The following MIEF1 variants were observed in gnomAD, a reference collection of about 807,000 sequenced individuals.
The protein encoded by MIEF1 is mitochondrial elongation factor 1.
A neutral mutation model predicts 35.1 loss-of-function variants in MIEF1; 14 were observed. That is an observed-to-expected ratio of 0.40 (90% CI 0.26 to 0.62). The LOEUF (loss-of-function observed/expected upper bound fraction) is 0.62, where lower values mean the gene tolerates loss of function less well. Among genes scored for constraint, MIEF1 ranks in the 20% least tolerant of loss-of-function variants. The pLI is 0.43. For missense variants in MIEF1, 542 were observed against 615.4 expected (o/e 0.88, Z 1.26); for synonymous variants, 245 against 254.3 (o/e 0.96, Z 0.35).
Position 39,513,751 on chromosome 22 carries a change from A to G in MIEF1, c.820A>G (p.Ile274Val). 1.2e-6 allele frequency: 2 copies of G among 1,613,858 alleles called. No homozygotes were observed. Among genetic ancestry groups the G allele is most frequent in the Non-Finnish European group, 1.7e-6 (2 of 1,179,958 alleles). ...ATTTGAGAAGGTAGTGGCTGGCTCC[A>G]TCAATTGGCCAGCCATAGGGTCCCT... ...DTFEKVVAGS[I>V]NWPAIGSLLD... Residue 274 changes from isoleucine to valine, a missense_variant, in exon 6 of 6, where the codon ATC becomes GTC. Transcript: ENST00000325301.
At chr22:39,501,244 C>A (rs371602998), upstream of MIEF1, among the ~76,000 whole-genome samples, 2 of 152,202 alleles carry the variant, frequency 1.3e-5, no homozygotes, top group Non-Finnish European at 2.9e-5. Context: ...TCCTAGACCA[C>A]GCTGAGCTTA....
intron 1 of MIEF1, chr22:39,503,676 T>C (rs923929751): frequency 1.3e-5 from 2 of 152,184 alleles, no homozygotes; most frequent in African/African-American, 4.8e-5. Flanking sequence ...CAAAATATGA[T>C]TTTTATCCTC....
At chr22:39,505,230 C>G (rs1462635028) in intron 2 of MIEF1, among the ~76,000 whole-genome samples, 1 of 152,092 alleles carries the variant, frequency 6.6e-6, no homozygotes, top group Admixed American at 6.5e-5. Flanking sequence ...TCTCGCCCAA[C>G]CTGGAGTACA....
At chr22:39,508,097 T>G (rs1340418119) in intron 2 of MIEF1, among the ~76,000 whole-genome samples, 1 of 152,180 alleles carries the variant, frequency 6.6e-6, no homozygotes, top group Non-Finnish European at 1.5e-5. Context: ...TGCAATACAG[T>G]TTATACCGTT....
chr22:39,510,923 A>G (rs1477301682), intron 2 of MIEF1, among the ~76,000 whole-genome samples: 1 of 151,466 alleles, frequency 6.6e-6, no homozygotes, highest in Admixed American at 6.6e-5. Context: ...GCATTATAAC[A>G]TTGTGAAGGG....
chr22:39,514,509 C>A lies in MIEF1; in HGVS notation c.*186C>A. 1 of 636,160 alleles carries A rather than the reference C, an allele frequency of 1.6e-6. No homozygotes were observed. Among genetic ancestry groups the A allele is most frequent in the East Asian group, 2.8e-5 (1 of 36,130 alleles). 39.4% of individuals were successfully genotyped at this position (636,160 alleles called of 1,614,324 possible). ...CTCCTATTTTGTTACCCAACTCTTC[C>A]TATTTTTGTTACCAATCACTGTGCT... is the stretch of plus-strand genomic sequence containing the variant. On this transcript the variant is annotated 3_prime_UTR_variant, in exon 6 of 6. Transcript: ENST00000325301.
In MIEF1 at chr22:39,515,926, T is replaced by G. The variant is rs1930646275; in HGVS notation, c.*1603T>G. 6.5e-6 allele frequency: 1 copy of G among 153,128 alleles called. No homozygotes were observed. Among genetic ancestry groups the G allele is most frequent in the South Asian group, 2.1e-4 (1 of 4,862 alleles). 9.5% of individuals were successfully genotyped at this position (153,128 alleles called of 1,614,324 possible). A position where few individuals can be genotyped will look rare whatever the true frequency, so the allele number is the denominator to read the frequency against. On this transcript the variant is annotated 3_prime_UTR_variant, in exon 6 of 6. Coordinates refer to ENST00000325301, the MANE Select transcript of MIEF1 (RefSeq NM_019008.6). Reference sequence around the variant, plus strand: ...ACTCTTTAGCATCGATACCTCAACATCAATTTAGGGTAGAGATTCCTGCCC... The same window carrying G: ...ACTCTTTAGCATCGATACCTCAACAGCAATTTAGGGTAGAGATTCCTGCCC...
In MIEF1 at chr22:39,514,598, C is replaced by T. The variant is rs898372650; in HGVS notation, c.*275C>T. On this transcript the variant is annotated 3_prime_UTR_variant, in exon 6 of 6. Transcript: ENST00000325301. ...TGAATTGAGAAGGTGGCGTGCTGGC[C>T]TGAGCTGATGGACCACTTGGTGTTT... The T allele has an allele frequency of 2.0e-6, 1 of 488,416 alleles. No homozygotes were observed. The highest frequency in any genetic ancestry group is 3.7e-6 in the Non-Finnish European group (1 of 270,904). The allele number at this position is 488,416 out of a possible 1,614,324, so 30.3% of individuals were successfully genotyped here. A position where few individuals can be genotyped will look rare whatever the true frequency, so the allele number is the denominator to read the frequency against.
intron 2 of MIEF1, 43 bp from the exon 3 acceptor site, chr22:39,511,245 T>TG (rs771577064): frequency 6.2e-7 from 1 of 1,609,628 alleles, no homozygotes; most frequent in Non-Finnish European, 8.5e-7. Context: ...GGGAGGTTCT[T>TG]GGGGTCCCAG....
chr22:39,517,793 CAG>C lies in MIEF1; in HGVS notation c.*3475_*3476del. 3.0e-6 allele frequency: 1 copy of C among 331,610 alleles called. No homozygotes were observed. The highest frequency in any genetic ancestry group is 6.0e-6 in the Non-Finnish European group (1 of 165,606). The allele number at this position is 331,610 out of a possible 1,614,324, so 20.5% of individuals were successfully genotyped here. On this transcript the variant is annotated 3_prime_UTR_variant, in exon 6 of 6. Coordinates refer to ENST00000325301, the MANE Select transcript of MIEF1 (RefSeq NM_019008.6). ...CACTTACTGTAAGTGGCCAGAATAC[CAG>C]AGAGGTGGGTTCCATGGTCAAATGC...
In MIEF1 at chr22:39,511,278, T is replaced by C. The variant is rs1320031278; in HGVS notation, c.-7-10T>C. 1 of 1,613,516 alleles carries C rather than the reference T, an allele frequency of 6.2e-7. No homozygotes were observed. ...CAGTACTTATGGCCGTGTTCTGTCTTCATTCTCAGATGAGCAATGGCAGGC... is the reference window on the plus strand; with the variant it reads ...CAGTACTTATGGCCGTGTTCTGTCTCCATTCTCAGATGAGCAATGGCAGGC... On this transcript the variant is annotated splice_polypyrimidine_tract_variant and intron_variant, in intron 2 of 5. Transcript: ENST00000325301.
chr22:39,510,298 C>T (rs1569017625), intron 2 of MIEF1, among the ~76,000 whole-genome samples: 1 of 151,908 alleles, frequency 6.6e-6, no homozygotes, highest in Non-Finnish European at 1.5e-5. Context: ...GATGGGGTCT[C>T]ACTCTGTCAC....
chr22:39,507,339 G>A (rs1205876113), intron 2 of MIEF1, among the ~76,000 whole-genome samples: 1 of 151,816 alleles, frequency 6.6e-6, no homozygotes, highest in Admixed American at 6.6e-5. Context: ...TCTGCCTCCC[G>A]ACTTCAAGCG....
chr22:39,514,220 C>G lies in MIEF1; in HGVS notation c.1289C>G (p.Pro430Arg). 1 of 1,614,204 alleles carries G rather than the reference C, an allele frequency of 6.2e-7. No individual in the cohort carries two copies. Among genetic ancestry groups the G allele is most frequent in the Non-Finnish European group, 8.5e-7 (1 of 1,180,046 alleles). ...EAGVLPSALN[P>R]KVNLFAELTP... ...GGAGTCCTGCCCAGTGCCCTAAACC[C>G]CAAGGTGAACTTATTTGCAGAGCTC... Residue 430 changes from proline to arginine, a missense_variant, in exon 6 of 6, where the codon CCC (proline) becomes CGC (arginine). Transcript: ENST00000325301.
Position 39,514,874 on chromosome 22 carries a change from C to T in MIEF1, c.*551C>T, listed in dbSNP as rs1930574653. ...GTATTTAGGGTTTCTGGGAGTGAGG[C>T]TGGTAGAAGAGTTGGCCTTTGACCA... On this transcript the variant is annotated 3_prime_UTR_variant, in exon 6 of 6. Coordinates refer to ENST00000325301, the MANE Select transcript of MIEF1 (RefSeq NM_019008.6). The T allele has an allele frequency of 3.8e-6, 1 of 262,174 alleles. No individual in the cohort carries two copies. The allele number at this position is 262,174 out of a possible 1,614,324, so 16.2% of individuals were successfully genotyped here. A position where few individuals can be genotyped will look rare whatever the true frequency, so the allele number is the denominator to read the frequency against.
chr22:39,500,678 T>A (rs545775740), upstream of MIEF1, among the ~76,000 whole-genome samples: 1 of 151,674 alleles, frequency 6.6e-6, no homozygotes, highest in South Asian at 2.1e-4. Context: ...CCTCTCTCCA[T>A]CTTGGTTTTC....
Position 39,512,020 on chromosome 22 carries a change from G to C in MIEF1, c.316G>C (p.Asp106His), listed in dbSNP as rs1282133580. The change falls in exon 4 of 6, where the codon GAC (aspartate) becomes CAC (histidine). Residue 106 changes from aspartate (D) to histidine (H), a missense_variant. Transcript: ENST00000325301. Reference sequence around the variant, plus strand: ...CCTTCCCACAGACTCCTCCACCTTCGACACAGGTGAGAAGGGCTGCTGCCC... The same window carrying C: ...CCTTCCCACAGACTCCTCCACCTTCCACACAGGTGAGAAGGGCTGCTGCCC... Reference protein sequence around the residue: ...QTLPTDSSTFDTDTFCPPRPK... With the variant: ...QTLPTDSSTFHTDTFCPPRPK... 21 of 1,612,322 alleles carry C rather than the reference G, an allele frequency of 1.3e-5. No homozygotes were observed. The highest frequency in any genetic ancestry group is 1.6e-5 in the Non-Finnish European group (19 of 1,179,208).
Position 39,511,363 on chromosome 22 carries a change from G to A in MIEF1, c.69G>A (p.Val23=), listed in dbSNP as rs17400681. The A allele has an allele frequency of 0.014, 22,172 of 1,613,130 alleles. 223 individuals are homozygous for A. The highest frequency in any genetic ancestry group is 0.017 in the Non-Finnish European group (19,515 of 1,179,448). ...DNGIGTAIDF[V]LSNARLVLGV... Reference sequence around the variant, plus strand: ...GCATTGGCACGGCCATTGACTTTGTGCTCTCCAATGCCCGGCTGGTGCTGG... The same window carrying A: ...GCATTGGCACGGCCATTGACTTTGTACTCTCCAATGCCCGGCTGGTGCTGG... The change falls in exon 3 of 6, where the codon GTG becomes GTA. Residue 23 remains valine, a synonymous_variant. Transcript: ENST00000325301.
Position 39,515,137 on chromosome 22 carries a change from A to G in MIEF1, c.*814A>G. 3.2e-6 allele frequency: 2 copies of G among 633,210 alleles called. No homozygotes were observed. The highest frequency in any genetic ancestry group is 5.2e-5 in the Admixed American group (2 of 38,096). 39.2% of individuals were successfully genotyped at this position (633,210 alleles called of 1,614,324 possible). Reference sequence around the variant, plus strand: ...GTGTCTGCTCGTCATCTGTGGCTGCAGGGGTCAGACAGACAAGGATGGGGA... The same window carrying G: ...GTGTCTGCTCGTCATCTGTGGCTGCGGGGGTCAGACAGACAAGGATGGGGA... On this transcript the variant is annotated 3_prime_UTR_variant, in exon 6 of 6. Transcript: ENST00000325301.
Sources: allele counts gnomAD v4.1 joint callset (sites outside exome capture counted in the v4.1 genomes callset), GRCh38; gene constraint gnomAD v4.1.1; transcripts MANE v1.5; gene names NCBI Gene and HGNC (gene_info 2026-07-23, HGNC 2026-07-21).